The following MAF variants were observed in gnomAD, a reference collection of about 807,000 sequenced individuals.
MAF encodes the protein MAF bZIP transcription factor, also known as transcription factor Maf.
MAF carries 10 observed loss-of-function variants against 22.0 expected under a neutral mutation model. The observed-to-expected ratio is 0.45, with a 90% CI of 0.28 to 0.77. MAF has a LOEUF of 0.77. Ranked by LOEUF, MAF falls within the 30% of genes least tolerant of loss-of-function variation. The pLI, the probability that MAF is intolerant of heterozygous loss-of-function variation, is 0.12. For synonymous variants in MAF, 337 were observed against 255.8 expected (o/e 1.32, Z -3.03); for missense variants, 544 against 548.4 (o/e 0.99, Z 0.08).
the MAF span, among the ~76,000 whole-genome samples, chr16:79,244,100 G>A: frequency 1.2e-3 from 175 of 152,144 alleles, 1 homozygote; most frequent in Non-Finnish European, 7.4e-5. Context: ...CAAATCCACA[G>A]CCAGTATCAT....
At chr16:79,334,409 G>GA in the MAF span, among the ~76,000 whole-genome samples, 2 of 152,174 alleles carry the variant, frequency 1.3e-5, no homozygotes, top group African/African-American at 4.8e-5. Context: ...ACAGAAGTCA[G>GA]AACAGCGGTC....
chr16:79,279,960 C>T, the MAF span, among the ~76,000 whole-genome samples: 1 of 152,100 alleles, frequency 6.6e-6, no homozygotes, highest in Non-Finnish European at 1.5e-5. Flanking sequence ...AGTTTGTGGG[C>T]AATGGAAGTG....
the MAF span, among the ~76,000 whole-genome samples, chr16:79,452,718 C>T: frequency 3.9e-5 from 6 of 152,090 alleles, no homozygotes; most frequent in South Asian, 2.1e-4. Context: ...ACTGAGTCCT[C>T]GTTAAAGGGA....
At chr16:79,276,541 G>A in the MAF span, among the ~76,000 whole-genome samples, 1 of 152,130 alleles carries the variant, frequency 6.6e-6, no homozygotes, top group Non-Finnish European at 1.5e-5. Flanking sequence ...TTAAAATTTG[G>A]GTGGAAACCA....
the MAF span, among the ~76,000 whole-genome samples, chr16:79,348,551 A>C: frequency 6.6e-6 from 1 of 152,226 alleles, no homozygotes; most frequent in Non-Finnish European, 1.5e-5. Context: ...AAGGGGTTGA[A>C]CCTGAAGGGG....
the MAF span, chr16:79,212,139 C>T: frequency 5.9e-6 from 9 of 1,521,036 alleles, no homozygotes; most frequent in Non-Finnish European, 7.9e-6. Flanking sequence ...GCCTGAGGTC[C>T]CCTCGTCCCA....
At chr16:79,519,439 C>T in the MAF span, among the ~76,000 whole-genome samples, 1 of 152,226 alleles carries the variant, frequency 6.6e-6, no homozygotes, top group Non-Finnish European at 1.5e-5. Context: ...CGGGGAGTCT[C>T]TAACCCAGAA....
chr16:79,544,280 T>G, the MAF span, among the ~76,000 whole-genome samples: 4 of 152,148 alleles, frequency 2.6e-5, no homozygotes, highest in Non-Finnish European at 5.9e-5. Context: ...AGCCTTCAGT[T>G]CCTGACACAC....
the MAF span, among the ~76,000 whole-genome samples, chr16:79,359,235 G>A: frequency 2.0e-5 from 3 of 152,158 alleles, no homozygotes; most frequent in Non-Finnish European, 4.4e-5. Flanking sequence ...TCCTAAACCA[G>A]GTCATCTTGT....
At chr16:79,203,878 C>A in the MAF span, 1 of 152,092 alleles carries the variant, frequency 6.6e-6, no homozygotes. Context: ...CTAGCTATAA[C>A]CATAACAGAG....
the MAF span, among the ~76,000 whole-genome samples, chr16:79,293,231 G>A: frequency 6.6e-6 from 1 of 152,016 alleles, no homozygotes; most frequent in African/African-American, 2.4e-5. Context: ...CCAACTCCTG[G>A]GGTGTCCCAG....
At chr16:79,273,949 CTTTTTTTTTTT>C in the MAF span, among the ~76,000 whole-genome samples, 1 of 86,456 alleles carries the variant, frequency 1.2e-5, no homozygotes, top group African/African-American at 4.6e-5. Flanking sequence ...TCGTGTCTGC[CTTTTTTTTTTT>C]TTTTTTTTTT....
the MAF span, among the ~76,000 whole-genome samples, chr16:79,346,514 C>T: frequency 6.6e-6 from 1 of 151,896 alleles, no homozygotes; most frequent in East Asian, 1.9e-4. Context: ...GAAAAAAAAA[C>T]CTTTCTCTTT....
chr16:79,254,398 C>CAA, the MAF span, among the ~76,000 whole-genome samples: 4 of 152,166 alleles, frequency 2.6e-5, no homozygotes, highest in African/African-American at 9.7e-5. Context: ...CAAGGATCCT[C>CAA]TTACATTTTA....
the MAF span, among the ~76,000 whole-genome samples, chr16:79,300,433 T>C: frequency 3.3e-5 from 5 of 152,116 alleles, no homozygotes; most frequent in Admixed American, 6.5e-5. Flanking sequence ...TGCACACATG[T>C]AGTCCCAGCT....
chr16:79,406,227 C>T, the MAF span, among the ~76,000 whole-genome samples: 7 of 152,188 alleles, frequency 4.6e-5, no homozygotes, highest in Admixed American at 3.3e-4. Context: ...AATTACTTGC[C>T]TTCATATCCT....
At chr16:79,221,273 T>A in the MAF span, among the ~76,000 whole-genome samples, 2 of 152,200 alleles carry the variant, frequency 1.3e-5, no homozygotes, top group Non-Finnish European at 2.9e-5. Context: ...TTTGTGCTCT[T>A]CTTATTATTG....
the MAF span, among the ~76,000 whole-genome samples, chr16:79,252,043 T>A: frequency 1.3e-5 from 2 of 152,274 alleles, no homozygotes; most frequent in Non-Finnish European, 2.9e-5. Context: ...GGAAACCCAC[T>A]GGTCTATGCC....
At chr16:79,527,105 G>T in the MAF span, among the ~76,000 whole-genome samples, 1 of 152,152 alleles carries the variant, frequency 6.6e-6, no homozygotes, top group Non-Finnish European at 1.5e-5. Flanking sequence ...CATTCACTTG[G>T]ATATAGCTGT....
Sources: gnomAD v4.1 joint callset for allele counts (sites outside exome capture counted in the v4.1 genomes callset) on GRCh38, gnomAD v4.1.1 for gene constraint, MANE v1.5 for transcripts, NCBI Gene and HGNC (gene_info 2026-07-23, HGNC 2026-07-21) for gene names.